The following FAR2 variants were observed in gnomAD, a reference collection of about 807,000 sequenced individuals.
The protein encoded by FAR2 is epididymis secretory protein Li 81.
In FAR2, 19 loss-of-function variants were observed where a neutral mutation model predicts 56.0. The observed-to-expected ratio is 0.34, with a 90% confidence interval of 0.24 to 0.50. The LOEUF (loss-of-function observed/expected upper bound fraction) is 0.50. Among genes scored for constraint, FAR2 ranks in the 20% least tolerant of loss-of-function variants. FAR2 has a pLI of 0.98. For synonymous variants in FAR2, 219 were observed against 218.8 expected, an observed-to-expected ratio of 1.00 and a Z score of -0.01; for missense variants, 508 against 642.2, an observed-to-expected ratio of 0.79 and a Z score of 2.26.
At chr12:29,157,603 G>A (rs1390669125) in intron 1 of FAR2, among the ~76,000 whole-genome samples, 1 of 152,152 alleles carries the variant, frequency 6.6e-6, no homozygotes, top group African/African-American at 2.4e-5. Context: ...GATGACCATA[G>A]GAGGCAAGAA....
intron 1 of FAR2, among the ~76,000 whole-genome samples, chr12:29,214,698 G>A (rs936442385): frequency 3.9e-5 from 6 of 152,110 alleles, no homozygotes; most frequent in Non-Finnish European, 7.4e-5. Context: ...GTGGGTGCCT[G>A]TAATCCCAGC....
chr12:29,273,016 C>T (rs1277403558), intron 2 of FAR2, among the ~76,000 whole-genome samples: 1 of 152,146 alleles, frequency 6.6e-6, no homozygotes, highest in Non-Finnish European at 1.5e-5. Context: ...GGTCCCTGCT[C>T]CTTCTCCTGG....
intron 1 of FAR2, among the ~76,000 whole-genome samples, chr12:29,200,138 G>A (rs1337326594): frequency 6.6e-6 from 1 of 152,166 alleles, no homozygotes; most frequent in Non-Finnish European, 1.5e-5. Context: ...GACCAAACTG[G>A]GGGACTTCTA....
intron 1 of FAR2, among the ~76,000 whole-genome samples, chr12:29,261,486 A>G (rs1948417431): frequency 6.6e-6 from 1 of 152,238 alleles, no homozygotes; most frequent in Non-Finnish European, 1.5e-5. Context: ...GTAGAGAGAG[A>G]TCAGGTAGAA....
At chr12:29,160,888 A>G (rs1184728700) in intron 1 of FAR2, among the ~76,000 whole-genome samples, 3 of 152,188 alleles carry the variant, frequency 2.0e-5, no homozygotes, top group Non-Finnish European at 4.4e-5. Context: ...ATTTCCAAAT[A>G]AGGTCACATT....
chr12:29,214,522 A>G (rs919279781), intron 1 of FAR2, among the ~76,000 whole-genome samples: 2 of 152,190 alleles, frequency 1.3e-5, no homozygotes, highest in African/African-American at 4.8e-5. Flanking sequence ...ATGAACATGA[A>G]TAAGAACAGG....
rs1400297944 is a variant in FAR2 at position 29,308,860 on chromosome 12, T to C, written c.724-326T>C. Among the ~76,000 whole-genome samples the C allele has an allele frequency of 3.3e-5, 5 of 152,042 alleles. No individual in the cohort carries two copies. The East Asian group carries it at 7.7e-4, about 23-fold the overall frequency. On this transcript the variant is annotated intron_variant, in intron 5 of 11. Coordinates refer to ENST00000536681, the MANE Select transcript of FAR2 (RefSeq NM_001271783.2). Reference sequence around the variant, plus strand: ...CAGGACTAAGGTGGAGAAGTATGGTTGGTGAATTGCTTAGCAGATCATGAT... The same window carrying C: ...CAGGACTAAGGTGGAGAAGTATGGTCGGTGAATTGCTTAGCAGATCATGAT...
At chr12:29,299,030 A>G (rs1239064790) in intron 4 of FAR2, among the ~76,000 whole-genome samples, 1 of 152,050 alleles carries the variant, frequency 6.6e-6, no homozygotes, top group Non-Finnish European at 1.5e-5. Context: ...CCTGACCAAC[A>G]TGGTGAAACC....
intron 1 of FAR2, among the ~76,000 whole-genome samples, chr12:29,254,047 C>T (rs946276843): frequency 1.2e-4 from 18 of 152,022 alleles, no homozygotes; most frequent in Admixed American, 6.6e-5. Context: ...TTCTTAAGAC[C>T]AGCTTTGACT....
chr12:29,242,134 C>T (rs1169816698), intron 1 of FAR2, among the ~76,000 whole-genome samples: 1 of 152,210 alleles, frequency 6.6e-6, no homozygotes, highest in Non-Finnish European at 1.5e-5. Flanking sequence ...GACTTCAAGA[C>T]TTCTGAGGAG....
At chr12:29,197,484 C>T (rs1325596027) in intron 1 of FAR2, among the ~76,000 whole-genome samples, 5 of 152,150 alleles carry the variant, frequency 3.3e-5, no homozygotes, top group African/African-American at 4.8e-5. Flanking sequence ...AATCTTCCAA[C>T]AACTTATGAT....
rs1949773822 is a variant in FAR2 at position 29,334,688 on chromosome 12, C to G, written c.*894C>G. On this transcript the variant is annotated 3_prime_UTR_variant, in exon 12 of 12. Transcript: ENST00000536681. Reference sequence around the variant, plus strand: ...GTCCCATTTGATCTTTGCCACTGAGCAAAACAAAACTTCAAATGAACTTTT... The same window carrying G: ...GTCCCATTTGATCTTTGCCACTGAGGAAAACAAAACTTCAAATGAACTTTT... 1 of 152,050 alleles carries G rather than the reference C, an allele frequency of 6.6e-6. No homozygotes were observed. The highest frequency in any genetic ancestry group is 1.5e-5 in the Non-Finnish European group (1 of 67,980). 9.4% of individuals were successfully genotyped at this position (152,050 alleles called of 1,614,324 possible). A position where few individuals can be genotyped will look rare whatever the true frequency, so the allele number is the denominator to read the frequency against.
At chr12:29,174,423 C>CTTTTTTTTTTTTTTTTTTTTTTTTT (rs55827253) in intron 1 of FAR2, among the ~76,000 whole-genome samples, 1 of 55,422 alleles carries the variant, frequency 1.8e-5, no homozygotes, top group Non-Finnish European at 2.9e-5. Context: ...GGTTTTTATT[C>CTTTTTTTTTTTTTTTTTTTTTTTTT]TTTTTTTTTT....
intron 3 of FAR2, among the ~76,000 whole-genome samples, chr12:29,293,896 A>G (rs1483418386): frequency 1.3e-5 from 2 of 152,158 alleles, no homozygotes; most frequent in Admixed American, 6.5e-5. Context: ...ATTTTTCACT[A>G]TTAACAACAC....
intron 2 of FAR2, chr12:29,281,544 T>C (rs1835114141): frequency 6.6e-6 from 1 of 152,248 alleles, no homozygotes; most frequent in African/African-American, 2.4e-5. Flanking sequence ...TAACTCATTC[T>C]GCAAGAGTAA....
chr12:29,154,421 T>TTTTTTG (rs1555176654), intron 1 of FAR2, among the ~76,000 whole-genome samples: 6 of 150,380 alleles, frequency 4.0e-5, no homozygotes, highest in African/African-American at 1.5e-4. Context: ...TTTGTTTTTT[T>TTTTTTG]TTTTGTTTTG....
chr12:29,232,847 A>G (rs1565481316), intron 1 of FAR2, among the ~76,000 whole-genome samples: 1 of 151,864 alleles, frequency 6.6e-6, no homozygotes, highest in Non-Finnish European at 1.5e-5. Flanking sequence ...ACACACACAC[A>G]GAGTGCCCTT....
At chr12:29,193,479 T>C (rs1011473314) in intron 1 of FAR2, among the ~76,000 whole-genome samples, 4 of 152,202 alleles carry the variant, frequency 2.6e-5, no homozygotes, top group African/African-American at 7.2e-5. Context: ...CAGAGTGTCA[T>C]GTAAGTGGAA....
intron 4 of FAR2, among the ~76,000 whole-genome samples, chr12:29,304,430 G>C (rs535390616): frequency 3.9e-5 from 6 of 152,222 alleles, no homozygotes; most frequent in Admixed American, 2.6e-4. Flanking sequence ...AATACAACTT[G>C]ATAACTACAA....
Sources: gnomAD v4.1 joint callset for allele counts (sites outside exome capture counted in the v4.1 genomes callset) on GRCh38, gnomAD v4.1.1 for gene constraint, MANE v1.5 for transcripts, NCBI Gene and HGNC (gene_info 2026-07-23, HGNC 2026-07-21) for gene names.